The following CAMK2B variants were observed in gnomAD, a reference collection of about 807,000 sequenced individuals.
CAMK2B encodes calcium/calmodulin-dependent protein kinase type II subunit beta.
Under a neutral mutation model 93.7 loss-of-function variants are expected in CAMK2B, and 27 were observed. That is an observed-to-expected ratio of 0.29 (90% CI 0.21 to 0.40). The LOEUF is 0.40. Among genes scored for constraint, CAMK2B ranks in the 10% least tolerant of loss-of-function variants. The pLI, the probability that CAMK2B is intolerant of heterozygous loss-of-function variation, is 1.00. For missense variants in CAMK2B, 568 were observed against 895.8 expected (o/e 0.63, Z 4.67); for synonymous variants, 374 against 358.8 (o/e 1.04, Z -0.48).
intron 2 of CAMK2B, among the ~76,000 whole-genome samples, chr7:44,274,139 T>A (rs1404958609): frequency 6.6e-6 from 1 of 152,012 alleles, no homozygotes; most frequent in African/African-American, 2.4e-5. Flanking sequence ...TAACCCCCAA[T>A]AACCTCAATA....
At chr7:44,259,017 G>A (rs1031026591) in intron 3 of CAMK2B, 91 bp from the exon 4 acceptor site, 3 of 1,183,272 alleles carry the variant, frequency 2.5e-6, no homozygotes, top group African/African-American at 1.5e-5. Context: ...ACCACCAGCG[G>A]TGTAAGCCCT....
In CAMK2B at chr7:44,319,574, C is replaced by A. The variant is rs910023192; in HGVS notation, c.65+5783G>T. On this transcript the variant is annotated intron_variant, in intron 1 of 23. Transcript: ENST00000395749. ...CATCCTTAGTCCTGTGGCCTTTGACCGCGGCAGGAGTCCACTTGCACCCAC... is the reference window on the plus strand; with the variant it reads ...CATCCTTAGTCCTGTGGCCTTTGACAGCGGCAGGAGTCCACTTGCACCCAC... 8.5e-5 allele frequency among the ~76,000 whole-genome samples: 13 copies of A among 152,224 alleles called. No individual in the cohort carries two copies. In the South Asian group the frequency reaches 2.1e-3, roughly 24 times the overall value.
chr7:44,281,329 T>C (rs898751295), intron 2 of CAMK2B, among the ~76,000 whole-genome samples: 19 of 152,200 alleles, frequency 1.2e-4, no homozygotes, highest in African/African-American at 4.6e-4. Context: ...ACGGGACATA[T>C]GAGCTGCTCC....
At chr7:44,284,518 C>T (rs549648960) in intron 1 of CAMK2B, among the ~76,000 whole-genome samples, 1 of 152,334 alleles carries the variant, frequency 6.6e-6, no homozygotes, top group East Asian at 1.9e-4. Context: ...TCAGTCAGGC[C>T]CTCGGGAGGG....
At chr7:44,321,927 G>A (rs1796178021) in intron 1 of CAMK2B, among the ~76,000 whole-genome samples, 1 of 152,208 alleles carries the variant, frequency 6.6e-6, no homozygotes. Flanking sequence ...GGAGAGTGGC[G>A]GCACCTGCAA....
intron 2 of CAMK2B, among the ~76,000 whole-genome samples, chr7:44,269,969 AT>A (rs1231290949): frequency 2.6e-5 from 4 of 152,078 alleles, no homozygotes; most frequent in Non-Finnish European, 5.9e-5. Context: ...CATCTGGAAG[AT>A]GGCTGTAATA....
At chr7:44,320,878 C>T (rs1795902764) in intron 1 of CAMK2B, among the ~76,000 whole-genome samples, 1 of 152,188 alleles carries the variant, frequency 6.6e-6, no homozygotes, top group Non-Finnish European at 1.5e-5. Context: ...GCCGGACCTC[C>T]GCCTCTCTGT....
chr7:44,246,857 CA>C (rs2096735920), intron 6 of CAMK2B, among the ~76,000 whole-genome samples: 1 of 151,942 alleles, frequency 6.6e-6, no homozygotes, highest in Admixed American at 6.6e-5. Context: ...CATTTACATA[CA>C]GGTGCACACA....
intron 1 of CAMK2B, among the ~76,000 whole-genome samples, chr7:44,309,899 G>C (rs1793046237): frequency 6.6e-6 from 1 of 152,254 alleles, no homozygotes; most frequent in African/African-American, 2.4e-5. Flanking sequence ...GCCCCTCCTG[G>C]AGCGGCGGCC....
chr7:44,282,301 C>A (rs1462531777), intron 2 of CAMK2B, among the ~76,000 whole-genome samples: 1 of 152,220 alleles, frequency 6.6e-6, no homozygotes. Context: ...CCCACCCCAC[C>A]ACGGGCTGGG....
intron 1 of CAMK2B, among the ~76,000 whole-genome samples, chr7:44,289,355 C>T (rs1008874267): frequency 6.6e-6 from 1 of 152,154 alleles, no homozygotes; most frequent in South Asian, 2.1e-4. Context: ...GTGGGAGGGC[C>T]CAGAGAGCAG....
intron 13 of CAMK2B, 21 bp downstream of exon 13, chr7:44,239,568 C>A: frequency 6.5e-7 from 1 of 1,541,168 alleles, no homozygotes; most frequent in Non-Finnish European, 8.8e-7. Context: ...GCGGGCGGGA[C>A]GCTGGTCGAG....
intron 2 of CAMK2B, among the ~76,000 whole-genome samples, chr7:44,270,742 AC>A (rs1000967393): frequency 1.4e-4 from 21 of 151,646 alleles, no homozygotes; most frequent in Admixed American, 1.2e-3. Context: ...CCCCAAAGCC[AC>A]CCCCCATCCC....
In CAMK2B at chr7:44,293,418, G is replaced by A. The variant is rs149701731; in HGVS notation, c.66-9193C>T. On this transcript the variant is annotated intron_variant, in intron 1 of 23. Coordinates refer to ENST00000395749, the MANE Select transcript of CAMK2B (RefSeq NM_001220.5). ...TGGGAGCGCTTCCACATTTTCACATGGGTTAACGTGGTCGTCGTCACTTCT... is the reference window on the plus strand; with the variant it reads ...TGGGAGCGCTTCCACATTTTCACATAGGTTAACGTGGTCGTCGTCACTTCT... Among the ~76,000 whole-genome samples, 64 of 152,282 alleles carry A rather than the reference G, an allele frequency of 4.2e-4. No homozygotes were observed. In the East Asian group the frequency reaches 0.012, roughly 29 times the overall value.
At chr7:44,230,508 G>A (rs867873160) in intron 17 of CAMK2B, among the ~76,000 whole-genome samples, 4 of 152,154 alleles carry the variant, frequency 2.6e-5, no homozygotes, top group African/African-American at 9.7e-5. Flanking sequence ...CATTGGCCTG[G>A]GTGAGCAAGG....
chr7:44,247,339 G>T, intron 5 of CAMK2B, 147 bp from the exon 6 acceptor site: 1 of 684,812 alleles, frequency 1.5e-6, no homozygotes. Flanking sequence ...GGCCAGGAGG[G>T]GCCTCTGGGG....
At chr7:44,287,854 G>A (rs1262816640) in intron 1 of CAMK2B, among the ~76,000 whole-genome samples, 1 of 152,172 alleles carries the variant, frequency 6.6e-6, no homozygotes, top group Non-Finnish European at 1.5e-5. Context: ...ACGTTCCTTA[G>A]GTTAGTTTAC....
chr7:44,289,684 A>G (rs1786188239), intron 1 of CAMK2B, among the ~76,000 whole-genome samples: 1 of 152,230 alleles, frequency 6.6e-6, no homozygotes, highest in Non-Finnish European at 1.5e-5. Context: ...ACAACACAGT[A>G]TCCGGCATCC....
chr7:44,261,202 G>T (rs1291879869), intron 3 of CAMK2B, among the ~76,000 whole-genome samples: 1 of 152,198 alleles, frequency 6.6e-6, no homozygotes, highest in Non-Finnish European at 1.5e-5. Flanking sequence ...GAGTTAAAAA[G>T]CTCACCCCTC....
Sources: gnomAD v4.1 joint callset for allele counts (sites outside exome capture counted in the v4.1 genomes callset) on GRCh38, gnomAD v4.1.1 for gene constraint, MANE v1.5 for transcripts, NCBI Gene and HGNC (gene_info 2026-07-23, HGNC 2026-07-21) for gene names.